WASF3: variants seen among roughly 807,000 people sequenced by gnomAD.
WASF3 encodes actin-binding protein WASF3.
In WASF3, 11 loss-of-function variants were observed where a neutral mutation model predicts 46.6. The observed-to-expected ratio is 0.24, with a 90% CI of 0.15 to 0.39. The LOEUF (loss-of-function observed/expected upper bound fraction) is 0.39, where lower values mean the gene tolerates loss of function less well. Among genes scored for constraint, WASF3 ranks in the 10% least tolerant of loss-of-function variants. The pLI, the probability that WASF3 is intolerant of heterozygous loss-of-function variation, is 1.00. For missense variants in WASF3, 576 were observed against 669.8 expected (o/e 0.86, Z 1.55); for synonymous variants, 242 against 259.7 (o/e 0.93, Z 0.65).
chr13:26,555,416 A>G (rs1879075994), upstream of WASF3, among the ~76,000 whole-genome samples: 1 of 152,164 alleles, frequency 6.6e-6, no homozygotes, highest in African/African-American at 2.4e-5. Flanking sequence ...AAACTCTAAT[A>G]TTCCTCCAGC....
intron 2 of WASF3, among the ~76,000 whole-genome samples, chr13:26,633,200 CT>C (rs58237286): frequency 1.9e-4 from 17 of 90,432 alleles, no homozygotes; most frequent in South Asian, 5.5e-4. Flanking sequence ...TTAGTTATTT[CT>C]TTTTTTTTTT....
rs1377611484 is a variant in WASF3, at chr13:26,676,536, T to G, written c.541-13T>G. ...CTGTCTTGGCATGCTCTCTTTCCTT[T>G]CCTGGACATCAGGAGCAAAAGCGTA... On this transcript the variant is annotated splice_polypyrimidine_tract_variant and intron_variant, in intron 6 of 9. Transcript: ENST00000335327. 3 of 1,612,094 alleles carry G rather than the reference T, an allele frequency of 1.9e-6. No homozygotes were observed. In the Admixed American group the frequency reaches 5.0e-5, roughly 27 times the overall value.
In WASF3 at chr13:26,636,169, A is replaced by G. The variant is rs562765434; in HGVS notation, c.-10-6092A>G. 3.9e-5 allele frequency among the ~76,000 whole-genome samples: 6 copies of G among 152,286 alleles called. No individual in the cohort carries two copies. In the East Asian group the frequency reaches 5.8e-4, roughly 15 times the overall value. On this transcript the variant is annotated intron_variant, in intron 2 of 9. Coordinates refer to ENST00000335327, the MANE Select transcript of WASF3 (RefSeq NM_006646.6). The stretch of plus-strand genomic sequence containing the variant: ...TGCTGAGCTGTGGTGGGCTCCGCCC[A>G]GTTCAAGCTTCCCGGCTGCTTTGTT...
intron 1 of WASF3, among the ~76,000 whole-genome samples, chr13:26,562,857 T>C (rs112699613): frequency 1.9e-3 from 186 of 96,396 alleles, no homozygotes; most frequent in African/African-American, 2.4e-3. Flanking sequence ...CCCTCCCCTC[T>C]CCTCCCCTCC....
chr13:26,585,701 AAGACC>A (rs1386664848), intron 1 of WASF3, among the ~76,000 whole-genome samples: 1 of 152,168 alleles, frequency 6.6e-6, no homozygotes, highest in Non-Finnish European at 1.5e-5. Flanking sequence ...TGTTGATGGT[AAGACC>A]ATATAATGGT....
At position 26,587,598 on chromosome 13, in the gene WASF3, C is replaced by G. The variant is rs117468191; in HGVS notation, c.-108-25363C>G. Among the ~76,000 whole-genome samples, 911 of 152,256 alleles carry G rather than the reference C, an allele frequency of 6.0e-3. 4 individuals are homozygous for G. Among genetic ancestry groups the G allele is most frequent in the Middle Eastern group, 0.014 (4 of 294 alleles). On this transcript the variant is annotated intron_variant, in intron 1 of 9. Coordinates refer to ENST00000335327, the MANE Select transcript of WASF3 (RefSeq NM_006646.6). ...AAATTATTTGTGCTGTCATAATTGA[C>G]TATTATGATTGAAATAAGGATGTAT...
chr13:26,616,515 T>C (rs1425410639), intron 2 of WASF3, among the ~76,000 whole-genome samples: 1 of 152,228 alleles, frequency 6.6e-6, no homozygotes, highest in Non-Finnish European at 1.5e-5. Context: ...TTATCAGATA[T>C]ATGATTTGTA....
intron 2 of WASF3, among the ~76,000 whole-genome samples, chr13:26,614,649 A>C (rs1404388218): frequency 6.6e-6 from 1 of 152,168 alleles, no homozygotes; most frequent in African/African-American, 2.4e-5. Flanking sequence ...TATCCAATTT[A>C]TATGAAAAGG....
chr13:26,625,831 C>T (rs888100111), intron 2 of WASF3, among the ~76,000 whole-genome samples: 2 of 151,978 alleles, frequency 1.3e-5, no homozygotes, highest in East Asian at 1.9e-4. Context: ...CAGTATTATT[C>T]GAAGGTAGGT....
chr13:26,551,565 A>G, the WASF3 span, among the ~76,000 whole-genome samples: 88 of 152,332 alleles, frequency 5.8e-4, 1 homozygote, highest in African/African-American at 2.0e-3. Flanking sequence ...GGTGGGGGAC[A>G]ATGAATTAAC....
chr13:26,585,703 GACCATATAATGGTCTTACCTAGAAAA>G lies in WASF3; in HGVS notation c.-108-27228_-108-27203del, dbSNP rs539236681. The stretch of plus-strand genomic sequence containing the variant: ...TGCTGAACCTGCATGTTGATGGTAA[GACCATATAATGGTCTTACCTAGAAAA>G]ACCATATAATGGTCTTACCTAGAAA... On this transcript the variant is annotated intron_variant, in intron 1 of 9. Transcript: ENST00000335327. Among the ~76,000 whole-genome samples, 155 of 152,174 alleles carry G rather than the reference GACCATATAATGGTCTTACCTAGAAAA, an allele frequency of 1.0e-3. No homozygotes were observed. The Middle Eastern group carries it at 0.027, about 27-fold the overall frequency.
At chr13:26,582,688 A>AAAG (rs1880018209) in intron 1 of WASF3, among the ~76,000 whole-genome samples, 1 of 150,846 alleles carries the variant, frequency 6.6e-6, no homozygotes, top group Non-Finnish European at 1.5e-5. Flanking sequence ...AAAAAAAAAA[A>AAAG]AAAAAAAAAA....
intron 1 of WASF3, among the ~76,000 whole-genome samples, chr13:26,565,093 C>A (rs1342249193): frequency 1.3e-5 from 2 of 149,980 alleles, no homozygotes; most frequent in African/African-American, 2.5e-5. Context: ...GGTGCTATCT[C>A]GGCTTGAAAC....
At chr13:26,557,370 G>A (rs951953599), upstream of WASF3, among the ~76,000 whole-genome samples, 5 of 152,144 alleles carry the variant, frequency 3.3e-5, no homozygotes, top group Non-Finnish European at 7.4e-5. Flanking sequence ...GTACTGTAAT[G>A]GGCACCTAGC....
intron 3 of WASF3, among the ~76,000 whole-genome samples, chr13:26,658,803 G>A (rs558093684): frequency 3.2e-4 from 49 of 152,288 alleles, no homozygotes; most frequent in Non-Finnish European, 5.6e-4. Context: ...GTCAGCTTAG[G>A]GCATTGTGGA....
At chr13:26,601,111 C>T (rs1362278306) in intron 1 of WASF3, among the ~76,000 whole-genome samples, 1 of 152,080 alleles carries the variant, frequency 6.6e-6, no homozygotes, top group African/African-American at 2.4e-5. Context: ...TTGCTGATTA[C>T]TTTTGTATTA....
intron 7 of WASF3, 89 bp downstream of exon 7, chr13:26,676,813 T>G: frequency 7.5e-7 from 1 of 1,330,788 alleles, no homozygotes. Context: ...CATCAATAGC[T>G]TCGGGGTTTA....
At chr13:26,576,245 T>C (rs1267530889) in intron 1 of WASF3, among the ~76,000 whole-genome samples, 2 of 152,168 alleles carry the variant, frequency 1.3e-5, no homozygotes, top group African/African-American at 4.8e-5. Flanking sequence ...TATTCTCCCT[T>C]GGACATCTTA....
chr13:26,592,507 G>A (rs1880333808), intron 1 of WASF3, among the ~76,000 whole-genome samples: 1 of 152,134 alleles, frequency 6.6e-6, no homozygotes, highest in Admixed American at 6.5e-5. Flanking sequence ...TGGTTTACCT[G>A]CGAGTTCTTT....
Sources: allele counts gnomAD v4.1 joint callset (sites outside exome capture counted in the v4.1 genomes callset), GRCh38; gene constraint gnomAD v4.1.1; transcripts MANE v1.5; gene names NCBI Gene and HGNC (gene_info 2026-07-23, HGNC 2026-07-21).